GLYATL1: variants seen among roughly 807,000 people sequenced by gnomAD.
The protein encoded by GLYATL1 is glycine N-acyltransferase-like protein 1.
A neutral mutation model predicts 20.0 loss-of-function variants in GLYATL1; 15 were observed. That is an observed-to-expected ratio of 0.75 (90% confidence interval 0.50 to 1.15). GLYATL1 has a LOEUF of 1.15. Among genes scored for constraint, GLYATL1 ranks in the 50% most tolerant of loss-of-function variants. The probability of loss-of-function intolerance (pLI) is 0.00; values close to 1 mark genes in which losing one functional copy is unlikely to be tolerated. For missense variants in GLYATL1, 380 were observed against 368.5 expected, an observed-to-expected ratio of 1.03 and a Z score of -0.26; for synonymous variants, 151 against 131.5, an observed-to-expected ratio of 1.15 and a Z score of -1.01.
At chr11:58,925,380 T>C (rs902388021), upstream of GLYATL1, among the ~76,000 whole-genome samples, 1 of 152,238 alleles carries the variant, frequency 6.6e-6, no homozygotes, top group African/African-American at 2.4e-5. Flanking sequence ...TTTATAACAT[T>C]CTTCACGACT....
At chr11:58,951,457 A>T (rs905704800) in intron 4 of GLYATL1, among the ~76,000 whole-genome samples, 1 of 151,850 alleles carries the variant, frequency 6.6e-6, no homozygotes, top group Non-Finnish European at 1.5e-5. Context: ...ACCCTTCACC[A>T]ATCTTTTTTT....
rs1315638304 is a variant in GLYATL1 at position 58,956,163 on chromosome 11, G to A, written c.*136G>A. 1 of 758,596 alleles carries A rather than the reference G, an allele frequency of 1.3e-6. No individual in the cohort carries two copies. 47.0% of individuals were successfully genotyped at this position (758,596 alleles called of 1,614,324 possible). On this transcript the variant is annotated 3_prime_UTR_variant, in exon 7 of 7. Coordinates refer to ENST00000532726, the MANE Select transcript of GLYATL1 (RefSeq NM_001389712.2). ...AGGAACTCTTCTCACCTGGAGCCTTGATGTTAAAAGACACAGCCATGCTCT... is the reference window on the plus strand; with the variant it reads ...AGGAACTCTTCTCACCTGGAGCCTTAATGTTAAAAGACACAGCCATGCTCT...
rs201484641 is a variant in GLYATL1, at chr11:58,933,115, C to T, written c.-212+5286C>T. 3.3e-5 allele frequency among the ~76,000 whole-genome samples: 5 copies of T among 152,230 alleles called. No individual in the cohort carries two copies. The East Asian group carries it at 9.6e-4, about 29-fold the overall frequency. ...ATGACACCATTGTCAGATTCAGAAA[C>T]ACAGGAAGAGGGGCACAATTAAATT... is the stretch of plus-strand genomic sequence containing the variant. On this transcript the variant is annotated intron_variant, in intron 1 of 7. Transcript: ENST00000317391.
chr11:58,943,287 A>C lies in GLYATL1; in HGVS notation c.-166-256A>C, dbSNP rs1241373115. ...CCCAGCAGCCATACTTCAACTACTCATAGACTGCTGAATGTTCAAACTGTG... is the reference window on the plus strand; with the variant it reads ...CCCAGCAGCCATACTTCAACTACTCCTAGACTGCTGAATGTTCAAACTGTG... On this transcript the variant is annotated intron_variant, in intron 1 of 6. Transcript: ENST00000532726. The C allele has an allele frequency of 2.6e-6, 4 of 1,549,440 alleles. No homozygotes were observed. The Admixed American group carries it at 7.9e-5, about 31-fold the overall frequency.
chr11:58,922,205 G>T (rs932685189), intron 1 of GLYATL1, among the ~76,000 whole-genome samples: 10 of 152,148 alleles, frequency 6.6e-5, no homozygotes, highest in Non-Finnish European at 7.4e-5. Flanking sequence ...GGGCTGCCTG[G>T]GTTACTCTCT....
chr11:58,911,316 AT>A (rs1855036865), downstream of GLYATL1, among the ~76,000 whole-genome samples: 2 of 152,278 alleles, frequency 1.3e-5, no homozygotes, highest in East Asian at 3.9e-4. Context: ...ATGAAGGTTA[AT>A]TTTCATTTCT....
Position 58,955,258 on chromosome 11 carries a change from C to T in GLYATL1, c.396C>T (p.Leu132=). ...SVKVEHSRAL[L]LVTEDILKLN... is the part of the protein sequence containing the mutation. ...AAGTAGAGCATTCGAGAGCACTCCT[C>T]TTGGTTACGGAAGATATTCTGAAGC... is the stretch of plus-strand genomic sequence containing the variant. Residue 132 remains leucine, a synonymous_variant, in exon 6 of 7, where the codon CTC becomes CTT. Coordinates refer to ENST00000532726, the MANE Select transcript of GLYATL1 (RefSeq NM_001389712.2). 6.2e-7 allele frequency: 1 copy of T among 1,614,110 alleles called. No individual in the cohort carries two copies. The highest frequency in any genetic ancestry group is 8.5e-7 in the Non-Finnish European group (1 of 1,179,980).
At chr11:58,940,676 T>A (rs1472332005) in intron 1 of GLYATL1, among the ~76,000 whole-genome samples, 1 of 152,232 alleles carries the variant, frequency 6.6e-6, no homozygotes, top group Non-Finnish European at 1.5e-5. Flanking sequence ...CATTTTTGTC[T>A]GGGTTTTGTA....
chr11:58,942,347 T>C (rs1856218831), intron 1 of GLYATL1, among the ~76,000 whole-genome samples: 1 of 152,184 alleles, frequency 6.6e-6, no homozygotes, highest in Admixed American at 6.5e-5. Flanking sequence ...AGCTGTCCTC[T>C]TTAGAAACAT....
At position 58,918,982 on chromosome 11, in the gene GLYATL1, G is replaced by A. The variant is rs960104758; in HGVS notation, n.264+13321G>A. 5.9e-5 allele frequency among the ~76,000 whole-genome samples: 9 copies of A among 152,332 alleles called. 1 individual carries two copies. The highest frequency in any genetic ancestry group is 4.6e-4 in the Admixed American group (7 of 15,306). ...AGCTAACTGTAGTGGATCCAAGCAC[G>A]GTTCCTGTAACTTGAACAGCAGTTG... On this transcript the variant is annotated intron_variant and non_coding_transcript_variant, in intron 1 of 2. Transcript: ENST00000534674.
At chr11:58,943,165 C>T in intron 1 of GLYATL1, 1 of 1,145,406 alleles carries the variant, frequency 8.7e-7, no homozygotes, top group South Asian at 2.0e-5. Flanking sequence ...TCATTTGAGT[C>T]CTTGTGGGTA....
intron 4 of GLYATL1, among the ~76,000 whole-genome samples, chr11:58,948,639 G>A (rs1486409303): frequency 6.7e-6 from 1 of 149,274 alleles, no homozygotes; most frequent in Non-Finnish European, 1.5e-5. Context: ...AGACCCTGTT[G>A]TTTTTGTTTT....
intron 1 of GLYATL1, among the ~76,000 whole-genome samples, chr11:58,906,001 A>G (rs1854869194): frequency 6.6e-6 from 1 of 152,232 alleles, no homozygotes; most frequent in South Asian, 2.1e-4. Context: ...CTGCTCTTCC[A>G]GGCGGGAAAA....
chr11:58,955,609 G>T lies in GLYATL1; in HGVS notation c.492-1G>T, dbSNP rs147539241. 1.7e-5 allele frequency: 27 copies of T among 1,612,790 alleles called. No individual in the cohort carries two copies. In the African/African-American group the frequency reaches 3.2e-4, roughly 19 times the overall value. On this transcript the variant is annotated splice_acceptor_variant, in intron 6 of 6. Transcript: ENST00000532726. LOFTEE classifies it high-confidence loss of function. The stretch of plus-strand genomic sequence containing the variant: ...GTTGTCTTTCTTTTTGTTGTCTACA[G>T]TGAAACTCCCAACTTTAAGTATGCC...
At chr11:58,930,540 G>A (rs1033410053) in intron 1 of GLYATL1, among the ~76,000 whole-genome samples, 10 of 152,074 alleles carry the variant, frequency 6.6e-5, no homozygotes, top group African/African-American at 2.4e-4. Flanking sequence ...GTAGTAAACG[G>A]GCTAGGTTTA....
rs1180472544 is a variant in GLYATL1, at chr11:58,947,100, A to C, written c.13A>C (p.Asn5His). The C allele has an allele frequency of 6.2e-7, 1 of 1,614,096 alleles. No individual in the cohort carries two copies. Among genetic ancestry groups the C allele is most frequent in the South Asian group, 1.1e-5 (1 of 91,082 alleles). MILL[N>H]NSHKLLALYK... Reference sequence around the variant, plus strand: ...AGCATCCCACAGAATGATCCTACTGAATAACTCCCATAAGCTGCTGGCCCT... The same window carrying C: ...AGCATCCCACAGAATGATCCTACTGCATAACTCCCATAAGCTGCTGGCCCT... The change falls in exon 3 of 7, where the codon AAT (asparagine) becomes CAT (histidine). Residue 5 changes from asparagine to histidine, a missense_variant. Coordinates refer to ENST00000532726, the MANE Select transcript of GLYATL1 (RefSeq NM_001389712.2).
At chr11:58,947,591 T>C (rs974885942) in intron 3 of GLYATL1, 10 of 497,592 alleles carry the variant, frequency 2.0e-5, no homozygotes, top group Non-Finnish European at 3.3e-5. Flanking sequence ...CTATACAATA[T>C]AAATGCTAAG....
At chr11:58,944,184 A>G (rs1010488133) in intron 2 of GLYATL1, among the ~76,000 whole-genome samples, 9 of 152,220 alleles carry the variant, frequency 5.9e-5, no homozygotes, top group African/African-American at 1.9e-4. Context: ...CAACAATGCC[A>G]ATGCATTTAA....
intron 3 of GLYATL1, chr11:58,947,641 G>C (rs187415813): frequency 5.6e-5 from 31 of 556,564 alleles, no homozygotes; most frequent in Middle Eastern, 9.6e-4. Context: ...GTAGCTCTTT[G>C]GTATCACAAG....
Sources: gnomAD v4.1 joint callset for allele counts (sites outside exome capture counted in the v4.1 genomes callset) on GRCh38, gnomAD v4.1.1 for gene constraint, MANE v1.5 for transcripts, NCBI Gene and HGNC (gene_info 2026-07-23, HGNC 2026-07-21) for gene names.